NEGR1: variants seen among roughly 807,000 people sequenced by gnomAD.
NEGR1 encodes IgLON family member 4.
In NEGR1, 10 loss-of-function variants were observed where a neutral mutation model predicts 40.9. The observed-to-expected ratio is 0.24, with a 90% confidence interval of 0.15 to 0.42. NEGR1 has a LOEUF of 0.42. Among genes scored for constraint, NEGR1 ranks in the 10% least tolerant of loss-of-function variants. The pLI is 1.00. For missense variants in NEGR1, 352 were observed against 438.9 expected (o/e 0.80, Z 1.77); for synonymous variants, 185 against 166.8 (o/e 1.11, Z -0.84).
At chr1:72,132,177 TG>T (rs1199944086) in intron 1 of NEGR1, among the ~76,000 whole-genome samples, 2 of 152,206 alleles carry the variant, frequency 1.3e-5, no homozygotes, top group African/African-American at 4.8e-5. Flanking sequence ...AGGACACAAC[TG>T]GAACGGTAAA....
At chr1:71,978,894 G>C (rs1206345294) in intron 1 of NEGR1, among the ~76,000 whole-genome samples, 35 of 151,878 alleles carry the variant, frequency 2.3e-4, no homozygotes, top group Non-Finnish European at 1.5e-5. Flanking sequence ...TGTACTGTAA[G>C]GACATATGCA....
At chr1:71,557,290 G>A (rs1241652609) in intron 6 of NEGR1, among the ~76,000 whole-genome samples, 2 of 151,606 alleles carry the variant, frequency 1.3e-5, no homozygotes, top group Non-Finnish European at 1.5e-5. Flanking sequence ...GAGTAAGTTG[G>A]CATGTGAGGG....
intron 1 of NEGR1, among the ~76,000 whole-genome samples, chr1:71,991,868 T>C (rs1023291259): frequency 2.0e-5 from 3 of 152,160 alleles, no homozygotes; most frequent in East Asian, 3.9e-4. Flanking sequence ...CTCGACTCAC[T>C]GCAACCTCCG....
chr1:72,261,104 T>C (rs1479315519), intron 1 of NEGR1, among the ~76,000 whole-genome samples: 1 of 152,096 alleles, frequency 6.6e-6, no homozygotes, highest in Non-Finnish European at 1.5e-5. Flanking sequence ...TGTTTTACAG[T>C]AATAGCAGAA....
intron 1 of NEGR1, among the ~76,000 whole-genome samples, chr1:72,172,831 C>A (rs1450380169): frequency 1.3e-5 from 2 of 151,962 alleles, no homozygotes; most frequent in African/African-American, 4.8e-5. Flanking sequence ...ATGACCCTTC[C>A]TCCCCTTTTA....
At chr1:71,691,472 T>A (rs1653278192) in intron 4 of NEGR1, among the ~76,000 whole-genome samples, 1 of 151,886 alleles carries the variant, frequency 6.6e-6, no homozygotes, top group South Asian at 2.1e-4. Flanking sequence ...GCTCCTCATA[T>A]CTCTTTTGGT....
intron 6 of NEGR1, among the ~76,000 whole-genome samples, chr1:71,432,032 G>A (rs1450824179): frequency 6.6e-6 from 1 of 152,148 alleles, no homozygotes; most frequent in Non-Finnish European, 1.5e-5. Context: ...AGAGTCCACT[G>A]AGAAAATGAT....
intron 6 of NEGR1, among the ~76,000 whole-genome samples, chr1:71,499,879 G>A (rs1646988565): frequency 6.6e-6 from 1 of 152,022 alleles, no homozygotes; most frequent in South Asian, 2.1e-4. Flanking sequence ...TGTAATCAAT[G>A]TATAGGCCAA....
chr1:71,534,784 T>A (rs1647462452), intron 6 of NEGR1, among the ~76,000 whole-genome samples: 1 of 151,632 alleles, frequency 6.6e-6, no homozygotes, highest in Non-Finnish European at 1.5e-5. Context: ...TAGGAGCTAA[T>A]AAAACAGTTA....
At chr1:72,051,069 T>G (rs1647055575) in intron 1 of NEGR1, among the ~76,000 whole-genome samples, 1 of 151,530 alleles carries the variant, frequency 6.6e-6, no homozygotes, top group Admixed American at 6.6e-5. Context: ...CTACATGCAC[T>G]TACCACATTT....
chr1:71,880,199 T>C (rs1660544153), intron 2 of NEGR1, among the ~76,000 whole-genome samples: 2 of 152,164 alleles, frequency 1.3e-5, no homozygotes, highest in Admixed American at 1.3e-4. Context: ...GGATAGGTTT[T>C]TCACAATAAA....
chr1:71,739,219 A>AAC (rs1655135479), intron 3 of NEGR1, among the ~76,000 whole-genome samples: 2 of 127,162 alleles, frequency 1.6e-5, no homozygotes, highest in South Asian at 2.7e-4. Flanking sequence ...AAAAAAAAAC[A>AAC]AAAAAAAAAA....
chr1:72,029,517 T>C (rs990271527), intron 1 of NEGR1, among the ~76,000 whole-genome samples: 4 of 152,154 alleles, frequency 2.6e-5, no homozygotes, highest in African/African-American at 7.2e-5. Context: ...CTATCCAGTA[T>C]TGTGTGCCTG....
intron 1 of NEGR1, among the ~76,000 whole-genome samples, chr1:72,230,122 A>G (rs771150827): frequency 6.6e-5 from 10 of 152,220 alleles, no homozygotes; most frequent in Non-Finnish European, 1.5e-4. Flanking sequence ...AATTCTAGCA[A>G]GCAAGCAGTC....
At chr1:71,618,718 ATCT>A (rs1650519982) in intron 4 of NEGR1, among the ~76,000 whole-genome samples, 1 of 152,138 alleles carries the variant, frequency 6.6e-6, no homozygotes, top group Non-Finnish European at 1.5e-5. Context: ...TCCTGAAAAA[ATCT>A]TCTACCCCAC....
At chr1:71,983,804 C>G (rs1325595426) in intron 1 of NEGR1, among the ~76,000 whole-genome samples, 2 of 152,158 alleles carry the variant, frequency 1.3e-5, no homozygotes, top group African/African-American at 2.4e-5. Context: ...AGTAAATACA[C>G]AGGATCATAC....
At chr1:72,175,402 C>T (rs1478502050) in intron 1 of NEGR1, among the ~76,000 whole-genome samples, 1 of 152,054 alleles carries the variant, frequency 6.6e-6, no homozygotes, top group African/African-American at 2.4e-5. Context: ...AATGTTCTAT[C>T]AATCCTGATT....
rs544346335 is a variant in NEGR1, at chr1:71,738,752, G to A, written c.535+37420C>T. On this transcript the variant is annotated intron_variant, in intron 3 of 6. Transcript: ENST00000357731. Reference sequence around the variant, plus strand: ...TCTAAACCTTCCATACCTTTGGTTCGAGCACTGATATGTCTTATATTTTAA... The same window carrying A: ...TCTAAACCTTCCATACCTTTGGTTCAAGCACTGATATGTCTTATATTTTAA... Among the ~76,000 whole-genome samples the A allele has an allele frequency of 8.5e-5, 13 of 152,096 alleles. 1 individual carries two copies. The highest frequency in any genetic ancestry group is 6.2e-4 in the South Asian group (3 of 4,812).
intron 1 of NEGR1, among the ~76,000 whole-genome samples, chr1:72,048,908 T>C (rs1425367107): frequency 6.6e-6 from 1 of 151,610 alleles, no homozygotes; most frequent in Non-Finnish European, 1.5e-5. Context: ...CAAAATCATA[T>C]GGACTGATTT....
Sources: gnomAD v4.1 joint callset for allele counts (sites outside exome capture counted in the v4.1 genomes callset) on GRCh38, gnomAD v4.1.1 for gene constraint, MANE v1.5 for transcripts, NCBI Gene and HGNC (gene_info 2026-07-23, HGNC 2026-07-21) for gene names.